Variants in CNTN6 observed in about 807,000 individuals in gnomAD.
The protein encoded by CNTN6 is contactin 6.
A neutral mutation model predicts 122.8 loss-of-function variants in CNTN6; 137 were observed. The observed-to-expected ratio is 1.12, with a 90% confidence interval of 0.97 to 1.29. CNTN6 has a LOEUF of 1.29. Among genes scored for constraint, CNTN6 ranks in the 50% most tolerant of loss-of-function variants. The pLI is 0.00. For synonymous variants in CNTN6, 570 were observed against 426.0 expected, an observed-to-expected ratio of 1.34 and a Z score of -4.16; for missense variants, 1,634 against 1,223.4, an observed-to-expected ratio of 1.34 and a Z score of -5.01.
chr3:1,305,126 A>G (rs1306919618), intron 7 of CNTN6, among the ~76,000 whole-genome samples: 5 of 152,132 alleles, frequency 3.3e-5, no homozygotes, highest in Non-Finnish European at 7.3e-5. Flanking sequence ...GATGATGGCA[A>G]TGTACACCAT....
At chr3:1,305,314 T>G (rs409105) in intron 7 of CNTN6, among the ~76,000 whole-genome samples, 1,737 of 152,278 alleles carry the variant, frequency 0.011, 36 homozygotes, top group African/African-American at 0.04. Flanking sequence ...ATAGAATAAT[T>G]AAGACAAAGC....
intron 20 of CNTN6, among the ~76,000 whole-genome samples, chr3:1,387,991 G>C (rs906529932): frequency 6.6e-6 from 1 of 151,928 alleles, no homozygotes; most frequent in South Asian, 2.1e-4. Flanking sequence ...GGGGAGGGGC[G>C]CCCGCCATTG....
intron 7 of CNTN6, among the ~76,000 whole-genome samples, chr3:1,304,520 G>T (rs1181877455): frequency 6.6e-6 from 1 of 152,006 alleles, no homozygotes; most frequent in Non-Finnish European, 1.5e-5. Context: ...AATCCTCCAT[G>T]TGCAGATGTA....
chr3:1,176,225 C>T (rs1038900508), intron 2 of CNTN6, among the ~76,000 whole-genome samples: 3 of 152,166 alleles, frequency 2.0e-5, no homozygotes, highest in Admixed American at 1.3e-4. Flanking sequence ...TGAGACCAGC[C>T]TGACCAACAT....
intron 1 of CNTN6, among the ~76,000 whole-genome samples, chr3:1,132,141 A>G (rs917978683): frequency 1.3e-5 from 2 of 152,144 alleles, no homozygotes; most frequent in Admixed American, 1.3e-4. Flanking sequence ...ATTGGGCCTG[A>G]CACTTCTAAA....
chr3:1,106,246 C>T (rs1034834456), intron 1 of CNTN6, among the ~76,000 whole-genome samples: 3 of 152,082 alleles, frequency 2.0e-5, no homozygotes, highest in Admixed American at 1.3e-4. Context: ...GTGATATTTT[C>T]TTCTTCAAAA....
intron 19 of CNTN6, among the ~76,000 whole-genome samples, chr3:1,385,394 T>C (rs978700896): frequency 2.6e-5 from 4 of 152,182 alleles, no homozygotes; most frequent in African/African-American, 9.6e-5. Flanking sequence ...TTCTCTAATT[T>C]CCATTGTGAA....
chr3:1,221,012 G>T (rs553137398), intron 3 of CNTN6, among the ~76,000 whole-genome samples, 199 bp downstream of exon 3: 52 of 152,214 alleles, frequency 3.4e-4, no homozygotes, highest in Admixed American at 2.0e-3. Flanking sequence ...CCCTCATGCC[G>T]CTTTCCAGGC....
chr3:1,199,103 A>AACCAAC (rs2093821993), intron 2 of CNTN6, among the ~76,000 whole-genome samples: 1 of 151,954 alleles, frequency 6.6e-6, no homozygotes, highest in African/African-American at 2.4e-5. Flanking sequence ...CTCCAGAAGG[A>AACCAAC]ACCAACCCTG....
chr3:1,384,657 T>C (rs1185016192), intron 19 of CNTN6, among the ~76,000 whole-genome samples: 2 of 136,450 alleles, frequency 1.5e-5, no homozygotes, highest in Admixed American at 1.5e-4. Context: ...TAAACATTCT[T>C]AATTTTGCCT....
intron 10 of CNTN6, 149 bp downstream of exon 10, chr3:1,327,735 C>A (rs1209218861): frequency 8.0e-6 from 7 of 874,202 alleles, no homozygotes; most frequent in Non-Finnish European, 1.2e-5. Context: ...TTACAAAATT[C>A]AAGGTGGTAA....
In CNTN6 at chr3:1,220,695, C is replaced by A. The variant is rs62229413; in HGVS notation, c.64C>A (p.Leu22Ile). Reference protein sequence around the residue: ...PLINSSAGDGLLSRPIFTQEP... With the variant: ...PLINSSAGDGILSRPIFTQEP... Reference sequence around the variant, plus strand: ...TTCTTTTCTTTTCCCAGGTGATGGTCTTTTAAGCCGTCCTATTTTTACTCA... The same window carrying A: ...TTCTTTTCTTTTCCCAGGTGATGGTATTTTAAGCCGTCCTATTTTTACTCA... The change falls in exon 3 of 23, where the codon CTT (leucine) becomes ATT (isoleucine). Residue 22 changes from leucine (L) to isoleucine (I), a missense_variant. Coordinates refer to ENST00000446702, the MANE Select transcript of CNTN6 (RefSeq NM_001289080.2). 3.7e-6 allele frequency: 6 copies of A among 1,608,950 alleles called. No homozygotes were observed. Among genetic ancestry groups the A allele is most frequent in the Middle Eastern group, 1.7e-4 (1 of 6,024 alleles).
chr3:1,329,932 A>C lies in CNTN6; in HGVS notation c.1361A>C (p.Lys454Thr), dbSNP rs755692591. 6.5e-7 allele frequency: 1 copy of C among 1,542,012 alleles called. No homozygotes were observed. The highest frequency in any genetic ancestry group is 8.7e-7 in the Non-Finnish European group (1 of 1,151,506). ...KRGTETLRQS[K>T]RIFLLEDGSL... ...GGAACGGAGACCCTTAGACAAAGCA[A>C]AAGGTAAACAAATCTTTATTTTTAA... The change falls in exon 11 of 23, where the codon AAA (lysine) becomes ACA (threonine). Residue 454 changes from lysine (K) to threonine (T), a missense_variant. By Grantham distance (78) the Lys-to-Thr change is moderately conservative. Coordinates refer to ENST00000446702, the MANE Select transcript of CNTN6 (RefSeq NM_001289080.2).
At chr3:1,284,533 T>G (rs1377376820) in intron 5 of CNTN6, among the ~76,000 whole-genome samples, 8 of 152,168 alleles carry the variant, frequency 5.3e-5, no homozygotes, top group African/African-American at 1.9e-4. Context: ...ACACTGGGTA[T>G]TCACTCAACA....
intron 4 of CNTN6, among the ~76,000 whole-genome samples, chr3:1,234,102 G>A (rs2125578092): frequency 6.6e-6 from 1 of 152,246 alleles, no homozygotes; most frequent in East Asian, 1.9e-4. Flanking sequence ...TTTTACAGGT[G>A]AAGACATTAA....
intron 7 of CNTN6, among the ~76,000 whole-genome samples, chr3:1,306,646 A>G (rs1698405219): frequency 1.4e-5 from 1 of 71,420 alleles, no homozygotes; most frequent in African/African-American, 3.8e-5. Context: ...CAAAAATGAT[A>G]GAGAGAGAAT....
chr3:1,188,894 T>C (rs2093663274), intron 2 of CNTN6, among the ~76,000 whole-genome samples: 1 of 152,196 alleles, frequency 6.6e-6, no homozygotes, highest in African/African-American at 2.4e-5. Context: ...GCTGCTTTTT[T>C]CTGTACACAT....
At chr3:1,362,636 CAGAA>C (rs1200360438) in intron 12 of CNTN6, among the ~76,000 whole-genome samples, 1 of 151,780 alleles carries the variant, frequency 6.6e-6, no homozygotes, top group Non-Finnish European at 1.5e-5. Context: ...ATGGGAAAGA[CAGAA>C]AGTATCATAA....
intron 4 of CNTN6, among the ~76,000 whole-genome samples, chr3:1,235,323 C>A (rs1265126399): frequency 6.6e-6 from 1 of 152,098 alleles, no homozygotes; most frequent in Non-Finnish European, 1.5e-5. Context: ...ATTTGACAAA[C>A]TGTTTCAAGG....
Sources: allele counts gnomAD v4.1 joint callset (sites outside exome capture counted in the v4.1 genomes callset), GRCh38; gene constraint gnomAD v4.1.1; transcripts MANE v1.5; gene names NCBI Gene and HGNC (gene_info 2026-07-23, HGNC 2026-07-21).